The following RCAN1 variants were observed in gnomAD, a reference collection of about 807,000 sequenced individuals.
RCAN1 encodes regulator of calcineurin 1.
Under a neutral mutation model 22.9 loss-of-function variants are expected in RCAN1, and 11 were observed. The ratio of observed to expected loss-of-function variants is 0.48; its 90% CI spans 0.30 to 0.79. RCAN1 has a LOEUF of 0.79. RCAN1 is among the 30% of genes least tolerant of loss of function. The pLI is 0.06. For synonymous variants in RCAN1, 136 were observed against 142.3 expected (o/e 0.96, Z 0.32); for missense variants, 291 against 337.8 (o/e 0.86, Z 1.09).
At chr21:34,598,234 A>C (rs777760856) in intron 1 of RCAN1, among the ~76,000 whole-genome samples, 9 of 152,242 alleles carry the variant, frequency 5.9e-5, no homozygotes, top group South Asian at 2.1e-4. Context: ...CCCAAAGAAG[A>C]AGCAGCAAAT....
intron 1 of RCAN1, chr21:34,525,262 G>A: frequency 1.9e-6 from 3 of 1,550,694 alleles, no homozygotes; most frequent in Non-Finnish European, 2.6e-6. Context: ...TGCCAGGCAG[G>A]TCGTTAAGGA....
At chr21:34,520,050 C>T (rs986766069) in intron 3 of RCAN1, among the ~76,000 whole-genome samples, 30 of 152,168 alleles carry the variant, frequency 2.0e-4, no homozygotes, top group Admixed American at 2.0e-3. Context: ...CATCGAAAAT[C>T]CAGAAAGCTC....
intron 1 of RCAN1, among the ~76,000 whole-genome samples, chr21:34,545,604 C>T (rs1986102623): frequency 6.6e-6 from 1 of 152,200 alleles, no homozygotes; most frequent in Non-Finnish European, 1.5e-5. Context: ...CCTGTGACTT[C>T]TCCCGCTGTT....
intron 1 of RCAN1, among the ~76,000 whole-genome samples, chr21:34,570,300 T>C (rs1340565865): frequency 6.6e-6 from 1 of 152,084 alleles, no homozygotes; most frequent in East Asian, 1.9e-4. Flanking sequence ...GGAATAATAA[T>C]TAAGAAAAAA....
At chr21:34,546,286 T>C (rs765257438) in intron 1 of RCAN1, among the ~76,000 whole-genome samples, 6 of 152,142 alleles carry the variant, frequency 3.9e-5, no homozygotes, top group Non-Finnish European at 7.3e-5. Flanking sequence ...GCCAAGAACT[T>C]ACTAAACTCT....
intron 1 of RCAN1, among the ~76,000 whole-genome samples, chr21:34,563,799 A>AGG (rs1452527974): frequency 8.0e-6 from 1 of 124,728 alleles, no homozygotes; most frequent in Non-Finnish European, 1.7e-5. Context: ...ATATATAGAG[A>AGG]GAGAGAGAGA....
At chr21:34,546,836 G>A (rs1986163820) in intron 1 of RCAN1, among the ~76,000 whole-genome samples, 1 of 152,140 alleles carries the variant, frequency 6.6e-6, no homozygotes, top group Non-Finnish European at 1.5e-5. Flanking sequence ...ATTAAAAGGG[G>A]GAAACAGGAA....
rs912735019 is a variant in RCAN1, at chr21:34,614,673, C to G, written c.252+87G>C. ...GCTGCCTCCCCGCCCCGCGCGCGGC[C>G]GGGACTGGGCGCTGCGACCCGCGCC... On this transcript the variant is annotated intron_variant, in intron 1 of 3. Transcript: ENST00000313806. The surrounding 1 kb of genome is among the most constrained non-coding windows in gnomAD (Gnocchi z 6.0). 14 of 1,196,012 alleles carry G rather than the reference C, an allele frequency of 1.2e-5. No individual in the cohort carries two copies. The Admixed American group carries it at 6.0e-4, about 51-fold the overall frequency. The allele number at this position is 1,196,012 out of a possible 1,614,324, so 74.1% of individuals were successfully genotyped here.
At chr21:34,546,532 A>G (rs1473234768) in intron 1 of RCAN1, among the ~76,000 whole-genome samples, 1 of 152,214 alleles carries the variant, frequency 6.6e-6, no homozygotes, top group East Asian at 1.9e-4. Context: ...CTATTTTAGG[A>G]GCTGACGCAA....
rs545487902 is a variant in RCAN1 at position 34,567,526 on chromosome 21, G to A, written c.253-43816C>T. On this transcript the variant is annotated intron_variant, in intron 1 of 3. Transcript: ENST00000313806. ...GCCGAGATCAAGCCACTGCACCCCAGCCTGGAAGACAGAGTGAGACTCCAT... is the reference window on the plus strand; with the variant it reads ...GCCGAGATCAAGCCACTGCACCCCAACCTGGAAGACAGAGTGAGACTCCAT... Among the ~76,000 whole-genome samples the A allele has an allele frequency of 5.4e-5, 8 of 148,158 alleles. No individual in the cohort carries two copies. In the East Asian group the frequency reaches 1.6e-3, roughly 29 times the overall value.
intron 1 of RCAN1, among the ~76,000 whole-genome samples, chr21:34,552,911 AC>A (rs1333148982): frequency 6.6e-6 from 1 of 152,162 alleles, no homozygotes; most frequent in Non-Finnish European, 1.5e-5. Context: ...CATGACCCAA[AC>A]TTTTAATCCA....
intron 1 of RCAN1, among the ~76,000 whole-genome samples, chr21:34,545,919 A>C (rs879356971): frequency 6.6e-6 from 1 of 152,256 alleles, no homozygotes; most frequent in African/African-American, 2.4e-5. Flanking sequence ...CTTGTTCAAC[A>C]GAAAAGAATG....
chr21:34,516,761 A>G lies in RCAN1; in HGVS notation c.*1323T>C, dbSNP rs969041446. 1 of 152,306 alleles carries G rather than the reference A, an allele frequency of 6.6e-6. No homozygotes were observed. Among genetic ancestry groups the G allele is most frequent in the Non-Finnish European group, 1.5e-5 (1 of 68,046 alleles). The allele number at this position is 152,306 out of a possible 1,614,324, so 9.4% of individuals were successfully genotyped here. On this transcript the variant is annotated 3_prime_UTR_variant, in exon 4 of 4. Coordinates refer to ENST00000313806, the MANE Select transcript of RCAN1 (RefSeq NM_004414.7). ...CCAAATTTCCAAAGCATGCATTGTT[A>G]CTTGGCATTAAGTATTTCAAAATGA... is the stretch of plus-strand genomic sequence containing the variant.
intron 1 of RCAN1, among the ~76,000 whole-genome samples, chr21:34,595,161 GAC>G (rs1988105072): frequency 6.6e-6 from 1 of 152,236 alleles, no homozygotes; most frequent in African/African-American, 2.4e-5. Context: ...AACAGTGCCT[GAC>G]ACAGAACAAA....
chr21:34,563,285 A>T (rs1006771234), intron 1 of RCAN1, among the ~76,000 whole-genome samples: 9 of 152,228 alleles, frequency 5.9e-5, no homozygotes, highest in Admixed American at 5.9e-4. Context: ...TGGACACTGA[A>T]AAGTAATCCA....
rs1435170379 is a variant in RCAN1, at chr21:34,518,914, G to C, written c.587-658C>G. ...CTCTGGTCCAGCAAGGGTGGGGAGA[G>C]CTTTCTGCAACTGAAAAACCCGGCA... On this transcript the variant is annotated intron_variant, in intron 3 of 3. Transcript: ENST00000313806. The surrounding 1 kb of genome is among the most constrained non-coding windows in gnomAD (Gnocchi z 4.2). Among the ~76,000 whole-genome samples the C allele has an allele frequency of 1.3e-5, 2 of 152,218 alleles. No homozygotes were observed. Among genetic ancestry groups the C allele is most frequent in the East Asian group, 3.8e-4 (2 of 5,202 alleles).
intron 1 of RCAN1, among the ~76,000 whole-genome samples, chr21:34,589,453 G>A (rs1454492692): frequency 6.6e-6 from 1 of 152,208 alleles, no homozygotes; most frequent in African/African-American, 2.4e-5. Context: ...TAATTTTCCT[G>A]GAAAAGGACA....
rs1988220921 is a variant in RCAN1 at position 34,598,013 on chromosome 21, T to C, written c.252+16747A>G. ...AGATAGGGTCTATATAAAGAAAACT[T>C]CCACCCTGTACTGAGTAGAGAAAAG... On this transcript the variant is annotated intron_variant, in intron 1 of 3. Transcript: ENST00000313806. Among the ~76,000 whole-genome samples the C allele has an allele frequency of 2.6e-5, 4 of 152,278 alleles. No individual in the cohort carries two copies. In the South Asian group the frequency reaches 8.3e-4, roughly 32 times the overall value.
chr21:34,606,080 C>G (rs767804749), intron 1 of RCAN1, among the ~76,000 whole-genome samples: 1 of 152,120 alleles, frequency 6.6e-6, no homozygotes, highest in Admixed American at 6.5e-5. Context: ...ATAACAGTAC[C>G]TATGCCACAG....
Sources: allele counts gnomAD v4.1 joint callset (sites outside exome capture counted in the v4.1 genomes callset), GRCh38; gene constraint gnomAD v4.1.1; non-coding constraint Gnocchi (gnomAD v3.1); transcripts MANE v1.5; gene names NCBI Gene and HGNC (gene_info 2026-07-23, HGNC 2026-07-21).